SEMA3D: variants seen among roughly 807,000 people sequenced by gnomAD.
SEMA3D encodes semaphorin 3D.
A neutral mutation model predicts 100.1 loss-of-function variants in SEMA3D; 84 were observed. The observed-to-expected ratio is 0.84, with a 90% CI of 0.70 to 1.01. SEMA3D has a LOEUF of 1.01. Among genes scored for constraint, SEMA3D ranks in the 50% least tolerant of loss-of-function variants. SEMA3D has a pLI of 0.00. For synonymous variants in SEMA3D, 312 were observed against 320.7 expected (o/e 0.97, Z 0.29); for missense variants, 875 against 934.1 (o/e 0.94, Z 0.82).
At chr7:85,047,600 C>T (rs935422706) in intron 9 of SEMA3D, among the ~76,000 whole-genome samples, 10 of 151,760 alleles carry the variant, frequency 6.6e-5, no homozygotes, top group African/African-American at 1.4e-4. Flanking sequence ...AATTGACTTT[C>T]GGCTCCTATG....
chr7:85,053,372 AG>A (rs1361539577), intron 9 of SEMA3D, among the ~76,000 whole-genome samples: 2 of 152,030 alleles, frequency 1.3e-5, no homozygotes, highest in African/African-American at 4.8e-5. Flanking sequence ...AGAAAAAAAC[AG>A]TATTATAATG....
chr7:85,048,260 C>T (rs1271487116), intron 9 of SEMA3D, among the ~76,000 whole-genome samples: 1 of 151,822 alleles, frequency 6.6e-6, no homozygotes. Flanking sequence ...GTCCAATCTA[C>T]ATCTATCTGT....
At chr7:85,037,101 A>G (rs1790721426) in intron 11 of SEMA3D, 68 bp from the exon 12 acceptor site, 2 of 1,491,990 alleles carry the variant, frequency 1.3e-6, no homozygotes, top group Non-Finnish European at 1.8e-6. Flanking sequence ...CTGAGCACAT[A>G]CTATCAGCAG....
intron 1 of SEMA3D, among the ~76,000 whole-genome samples, chr7:85,168,834 AAAG>A (rs1790994195): frequency 1.7e-5 from 1 of 57,572 alleles, no homozygotes; most frequent in African/African-American, 8.4e-5. Context: ...AGAAAGAAAG[AAAG>A]AAAGAAAGAA....
chr7:85,044,588 G>A (rs965363244), intron 9 of SEMA3D, among the ~76,000 whole-genome samples: 1 of 152,022 alleles, frequency 6.6e-6, no homozygotes, highest in Admixed American at 6.6e-5. Flanking sequence ...CTCCTAGTTT[G>A]CACTATGTCT....
chr7:85,053,386 G>A (rs549131968), intron 9 of SEMA3D, among the ~76,000 whole-genome samples: 4 of 151,832 alleles, frequency 2.6e-5, no homozygotes, highest in South Asian at 2.1e-4. Flanking sequence ...TTATAATGAC[G>A]CTGGGGGGAA....
the SEMA3D span, among the ~76,000 whole-genome samples, chr7:85,230,483 C>A: frequency 6.6e-6 from 1 of 152,108 alleles, no homozygotes; most frequent in Non-Finnish European, 1.5e-5. Flanking sequence ...TACAATTATT[C>A]CTCACCCTCA....
chr7:85,024,060 G>T (rs934997064), intron 12 of SEMA3D, among the ~76,000 whole-genome samples: 1 of 151,854 alleles, frequency 6.6e-6, no homozygotes. Flanking sequence ...AAGTCTGCAC[G>T]TTCAGTCATT....
the SEMA3D span, among the ~76,000 whole-genome samples, chr7:85,238,301 T>G: frequency 6.6e-6 from 1 of 152,178 alleles, no homozygotes; most frequent in African/African-American, 2.4e-5. Flanking sequence ...CACCTATATT[T>G]TTTCCCATTT....
Position 85,036,959 on chromosome 7 carries a change from G to C in SEMA3D, c.1121C>G (p.Ala374Gly). 1.2e-6 allele frequency: 2 copies of C among 1,612,724 alleles called. No homozygotes were observed. Among genetic ancestry groups the C allele is most frequent in the South Asian group, 2.2e-5 (2 of 91,042 alleles). The change falls in exon 12 of 19, where the codon GCT becomes GGT. Residue 374 changes from alanine (A) to glycine (G), a missense_variant. By Grantham distance (60) the Ala-to-Gly change is moderately conservative (BLOSUM62 0). Coordinates refer to ENST00000284136, the MANE Select transcript of SEMA3D (RefSeq NM_001384900.1). The stretch of plus-strand genomic sequence containing the variant: ...ACGATGGTCTGCACTTTCCTTATGA[G>C]CATATGGACCATTAAAAACTGCTCT... ...DIRAVFNGPY[A>G]HKESADHRWV...
chr7:85,008,005 C>G (rs1300148842), intron 17 of SEMA3D, among the ~76,000 whole-genome samples: 1 of 151,764 alleles, frequency 6.6e-6, no homozygotes, highest in South Asian at 2.1e-4. Context: ...CTCATCTAAC[C>G]TTCAAAATGT....
At chr7:85,133,745 G>A (rs1038772042) in intron 2 of SEMA3D, among the ~76,000 whole-genome samples, 5 of 151,898 alleles carry the variant, frequency 3.3e-5, no homozygotes, top group African/African-American at 9.7e-5. Flanking sequence ...TTTAAGTCCA[G>A]TTTCTGCATC....
At chr7:85,045,089 T>A (rs976008918) in intron 9 of SEMA3D, among the ~76,000 whole-genome samples, 2 of 151,978 alleles carry the variant, frequency 1.3e-5, no homozygotes, top group Non-Finnish European at 2.9e-5. Context: ...AGAGTTGGGT[T>A]TAATGTTAAC....
At chr7:85,213,309 T>C in the SEMA3D span, among the ~76,000 whole-genome samples, 22 of 152,130 alleles carry the variant, frequency 1.4e-4, no homozygotes, top group East Asian at 4.1e-3. Flanking sequence ...TTTTGAATAG[T>C]TTCTACAAAT....
Position 85,021,517 on chromosome 7 carries a change from T to G in SEMA3D, c.1414+874A>C, listed in dbSNP as rs183584009. Among the ~76,000 whole-genome samples, 657 of 151,922 alleles carry G rather than the reference T, an allele frequency of 4.3e-3. 5 individuals are homozygous for G. The highest frequency in any genetic ancestry group is 0.015 in the African/African-American group (629 of 41,518). ...CAATCAATGACAAAGGTCCTCTGAT[T>G]CCGTCACACACATACTTCCTAATAA... On this transcript the variant is annotated intron_variant, in intron 13 of 18. Transcript: ENST00000284136.
intron 2 of SEMA3D, 61 bp downstream of exon 2, chr7:85,153,547 A>ATCTG (rs1463184608): frequency 6.6e-6 from 1 of 151,658 alleles, no homozygotes; most frequent in East Asian, 1.9e-4. Flanking sequence ...CTATCTATCT[A>ATCTG]TCTATCTATC....
chr7:85,224,408 A>G, the SEMA3D span, among the ~76,000 whole-genome samples: 2 of 152,190 alleles, frequency 1.3e-5, no homozygotes, highest in African/African-American at 4.8e-5. Context: ...TCCAACTTGC[A>G]ACATAGACTG....
At chr7:85,227,191 C>T in the SEMA3D span, among the ~76,000 whole-genome samples, 4 of 152,032 alleles carry the variant, frequency 2.6e-5, no homozygotes, top group Admixed American at 6.5e-5. Flanking sequence ...AGGATTAGGG[C>T]TAAACTGTAA....
chr7:85,171,086 T>C (rs1322479273), intron 1 of SEMA3D, among the ~76,000 whole-genome samples: 3 of 151,996 alleles, frequency 2.0e-5, no homozygotes, highest in African/African-American at 7.2e-5. Flanking sequence ...TAATTGTGAC[T>C]CAAAAGTGAG....
Sources: gnomAD v4.1 joint callset for allele counts (sites outside exome capture counted in the v4.1 genomes callset) on GRCh38, gnomAD v4.1.1 for gene constraint, MANE v1.5 for transcripts, NCBI Gene and HGNC (gene_info 2026-07-23, HGNC 2026-07-21) for gene names.